Variants in PPOX observed in about 807,000 individuals in gnomAD.
The protein encoded by PPOX is protoporphyrinogen oxidase.
PPOX carries 23 observed loss-of-function variants against 54.1 expected under a neutral mutation model. That is an observed-to-expected ratio of 0.43 (90% CI 0.31 to 0.60). The LOEUF is 0.60. Ranked by LOEUF, PPOX falls within the 20% of genes least tolerant of loss-of-function variation. The pLI is 0.13. For synonymous variants in PPOX, 224 were observed against 236.1 expected, an observed-to-expected ratio of 0.95 and a Z score of 0.47; for missense variants, 512 against 601.1, an observed-to-expected ratio of 0.85 and a Z score of 1.55.
At chr1:161,174,691 A>G (rs1394561185), downstream of PPOX, among the ~76,000 whole-genome samples, 1 of 152,228 alleles carries the variant, frequency 6.6e-6, no homozygotes, top group East Asian at 1.9e-4. Context: ...TCAGAGTCAT[A>G]CATGTAACAA....
chr1:161,168,383 G>T (rs1453017709), intron 5 of PPOX, 49 bp from the exon 6 acceptor site: 6 of 1,613,582 alleles, frequency 3.7e-6, no homozygotes, highest in Non-Finnish European at 5.1e-6. Flanking sequence ...GTGGAAATCA[G>T]TCAGTGTAGA....
upstream of PPOX, among the ~76,000 whole-genome samples, chr1:161,165,891 G>A (rs1376974979): frequency 6.6e-6 from 1 of 152,122 alleles, no homozygotes; most frequent in Admixed American, 6.6e-5. Context: ...CAGCAGTGAA[G>A]GTTATGTACT....
At chr1:161,168,324 C>T in intron 5 of PPOX, 108 bp from the exon 6 acceptor site, 1 of 1,573,128 alleles carries the variant, frequency 6.4e-7, no homozygotes. Flanking sequence ...GTGGGAATGT[C>T]CCCCAACCCA....
At chr1:161,175,994 T>C (rs1663369374), downstream of PPOX, 3 of 1,613,992 alleles carry the variant, frequency 1.9e-6, no homozygotes, top group Admixed American at 5.0e-5. Context: ...AGGTACATCA[T>C]GACAGCCAGC....
intron 7 of PPOX, 97 bp from the exon 8 acceptor site, chr1:161,169,563 A>T: frequency 7.8e-7 from 1 of 1,281,104 alleles, no homozygotes; most frequent in South Asian, 1.2e-5. Context: ...CCCCGGCCAC[A>T]TGGGTGCCTG....
Position 161,170,503 on chromosome 1 carries a change from C to G in PPOX, c.1082C>G (p.Pro361Arg), listed in dbSNP as rs751946132. ...TTCCCTGAGCAGGACGGGAGCCCCC[C>G]TGGCCTCAGAGTGACTGTGAGGAGG... ...VAFPEQDGSP[P>R]GLRVTVMLGG... The change falls in exon 10 of 13, where the codon CCT (proline) becomes CGT (arginine). Residue 361 changes from proline (P) to arginine (R), a missense_variant. Physicochemically the swap from Pro to Arg is moderately radical, Grantham distance 103 (BLOSUM62 -2). Coordinates refer to ENST00000367999, the MANE Select transcript of PPOX (RefSeq NM_001122764.3). The G allele has an allele frequency of 1.9e-6, 3 of 1,614,206 alleles. No individual in the cohort carries two copies. In the South Asian group the frequency reaches 3.3e-5, roughly 18 times the overall value.
chr1:161,166,855 G>A lies in PPOX; in HGVS notation c.8G>A (p.Arg3Gln), dbSNP rs2101841312. Reference sequence around the variant, plus strand: ...TTTCCCCCAGGTTTCCGCATGGGCCGGACCGTGGTCGTGCTGGGCGGAGGC... The same window carrying A: ...TTTCCCCCAGGTTTCCGCATGGGCCAGACCGTGGTCGTGCTGGGCGGAGGC... Reference protein sequence around the residue: MGRTVVVLGGGIS... With the variant: MGQTVVVLGGGIS... The change falls in exon 2 of 13, where the codon CGG becomes CAG. Residue 3 changes from arginine (R) to glutamine (Q), a missense_variant. Arg to Gln is a conservative substitution (Grantham distance 43, BLOSUM62 1). Transcript: ENST00000367999. 6.2e-7 allele frequency: 1 copy of A among 1,613,562 alleles called. No homozygotes were observed. The highest frequency in any genetic ancestry group is 8.5e-7 in the Non-Finnish European group (1 of 1,180,030).
upstream of PPOX, chr1:161,166,406 G>A: frequency 9.0e-7 from 1 of 1,105,828 alleles, no homozygotes. Context: ...AGGGTTAGGC[G>A]CGTGCCGCGA....
chr1:161,175,100 T>C (rs764845131), downstream of PPOX: 4 of 1,613,982 alleles, frequency 2.5e-6, no homozygotes, highest in Non-Finnish European at 3.4e-6. Context: ...TGAGGCACAA[T>C]GATGGCTGTT....
chr1:161,170,762 T>C lies in PPOX; in HGVS notation c.1241T>C (p.Leu414Pro), dbSNP rs1351995484. The C allele has an allele frequency of 6.2e-7, 1 of 1,614,028 alleles. No homozygotes were observed. Among genetic ancestry groups the C allele is most frequent in the Non-Finnish European group, 8.5e-7 (1 of 1,180,042 alleles). The change falls in exon 11 of 13, where the codon CTA becomes CCA. Residue 414 changes from leucine to proline, a missense_variant. Physicochemically the swap from Leu to Pro is moderately conservative, Grantham distance 98. Transcript: ENST00000367999. ...KEMPSHCLVH[L>P]HKNCIPQYTL... is the part of the protein sequence containing the mutation. ...ATGCCGAGCCACTGCTTGGTCCATC[T>C]ACACAAGGTAAGTTGGGATAAACTT...
In PPOX at chr1:161,169,065, G is replaced by C; in HGVS notation, c.689G>C (p.Arg230Pro). Residue 230 changes from arginine to proline, a missense_variant, in exon 7 of 13, where the codon CGT becomes CCT. Arg to Pro is a moderately radical substitution (Grantham distance 103). Coordinates refer to ENST00000367999, the MANE Select transcript of PPOX (RefSeq NM_001122764.3). ...LAERWSQWSL[R>P]GGLEMLPQAL... Reference sequence around the variant, plus strand: ...GAGCGCTGGAGCCAGTGGTCACTTCGTGGAGGTCTAGAGATGTTGCCTCAG... The same window carrying C: ...GAGCGCTGGAGCCAGTGGTCACTTCCTGGAGGTCTAGAGATGTTGCCTCAG... 1.2e-6 allele frequency: 2 copies of C among 1,614,212 alleles called. No homozygotes were observed. Among genetic ancestry groups the C allele is most frequent in the Non-Finnish European group, 1.7e-6 (2 of 1,180,040 alleles).
chr1:161,168,006 G>T lies in PPOX; in HGVS notation c.350G>T (p.Arg117Leu), dbSNP rs756940692. ...ALPTGLRGLL[R>L]PSPPFSKPLF... is the part of the protein sequence containing the mutation. ...CTTTCTCCATGCAGGGGGCTACTCC[G>T]CCCTTCACCCCCCTTCTCCAAACCT... Residue 117 changes from arginine (R) to leucine (L), a missense_variant, in exon 5 of 13, where the codon CGC (arginine) becomes CTC (leucine). Transcript: ENST00000367999. The T allele has an allele frequency of 6.8e-6, 11 of 1,614,148 alleles. 1 individual carries two copies. The South Asian group carries it at 1.2e-4, about 18-fold the overall frequency.
chr1:161,173,789 C>T (rs1662396898), downstream of PPOX: 1 of 1,610,906 alleles, frequency 6.2e-7, no homozygotes, highest in South Asian at 1.1e-5. Context: ...CAACCACAAT[C>T]CGCTTGGCTC....
At chr1:161,169,315 C>T in intron 7 of PPOX, 132 bp downstream of exon 7, 1 of 1,091,072 alleles carries the variant, frequency 9.2e-7, no homozygotes, top group Non-Finnish European at 1.3e-6. Context: ...TAGACATGGG[C>T]TACCCCAGAA....
At chr1:161,174,746 C>T (rs965793047), downstream of PPOX, among the ~76,000 whole-genome samples, 2 of 152,164 alleles carry the variant, frequency 1.3e-5, no homozygotes, top group African/African-American at 4.8e-5. Context: ...AATTCCAACT[C>T]TGCACAAGCC....
intron 7 of PPOX, 152 bp downstream of exon 7, chr1:161,169,335 C>T (rs571796245): frequency 1.1e-6 from 1 of 928,326 alleles, no homozygotes; most frequent in Admixed American, 2.3e-5. Flanking sequence ...ATCCTAGGCC[C>T]TATTTGTGAA....
chr1:161,169,091 G>A lies in PPOX; in HGVS notation c.715G>A (p.Ala239Thr). The A allele has an allele frequency of 6.2e-7, 1 of 1,614,182 alleles. No homozygotes were observed. The highest frequency in any genetic ancestry group is 8.5e-7 in the Non-Finnish European group (1 of 1,180,042). Residue 239 changes from alanine to threonine, a missense_variant, in exon 7 of 13, where the codon GCC (alanine) becomes ACC (threonine). Ala to Thr is a moderately conservative substitution (Grantham distance 58, BLOSUM62 0). Coordinates refer to ENST00000367999, the MANE Select transcript of PPOX (RefSeq NM_001122764.3). ...LRGGLEMLPQALETHLTSRGV... is the reference protein window; with the variant it reads ...LRGGLEMLPQTLETHLTSRGV... ...TGGAGGTCTAGAGATGTTGCCTCAG[G>A]CCCTTGAAACCCACCTGACTAGTAG...
downstream of PPOX, chr1:161,177,296 A>G (rs1412516423): frequency 5.3e-6 from 3 of 569,010 alleles, no homozygotes; most frequent in African/African-American, 3.8e-5. Flanking sequence ...GCCCCCGTCC[A>G]TACTTCCACC....
downstream of PPOX, among the ~76,000 whole-genome samples, chr1:161,174,357 G>A (rs1045208224): frequency 4.0e-5 from 6 of 149,166 alleles, no homozygotes; most frequent in East Asian, 7.8e-4. Context: ...GCAGTCAGCC[G>A]AGATCGTGCC....
Sources: allele counts gnomAD v4.1 joint callset (sites outside exome capture counted in the v4.1 genomes callset), GRCh38; gene constraint gnomAD v4.1.1; transcripts MANE v1.5; gene names NCBI Gene and HGNC (gene_info 2026-07-23, HGNC 2026-07-21).